Variants in H3-3A observed in about 807,000 individuals in gnomAD.
The protein encoded by H3-3A is H3.3 histone A, also known as histone H3.3.
For synonymous variants in H3-3A, 49 were observed against 61.4 expected, an observed-to-expected ratio of 0.80 and a Z score of 0.95; for missense variants, 7 against 184.0, an observed-to-expected ratio of 0.04 and a Z score of 5.57.
rs1156690399 is a variant in H3-3A, at chr1:226,065,889, A to G, written c.282+80A>G. ...CAGTTCCAAATTGTTGCATGTGCTTATATCATTTAATCACAAGCCTGTCAG... is the reference window on the plus strand; with the variant it reads ...CAGTTCCAAATTGTTGCATGTGCTTGTATCATTTAATCACAAGCCTGTCAG... On this transcript the variant is annotated intron_variant, in intron 3 of 3. Coordinates refer to ENST00000366815, the MANE Select transcript of H3-3A (RefSeq NM_002107.7). 5.8e-6 allele frequency: 6 copies of G among 1,035,450 alleles called. No individual in the cohort carries two copies. The Admixed American group carries it at 6.0e-5, about 10-fold the overall frequency. The allele number at this position is 1,035,450 out of a possible 1,614,324, so 64.1% of individuals were successfully genotyped here.
Position 226,064,369 on chromosome 1 carries a change from G to A in H3-3A, c.18G>A (p.Gln6=). Residue 6 remains glutamine (Q), a synonymous_variant, in exon 2 of 4, where the codon CAG becomes CAA. Coordinates refer to ENST00000366815, the MANE Select transcript of H3-3A (RefSeq NM_002107.7). MARTK[Q]TARKSTGGKA... ...TCTGTACCATGGCTCGTACAAAGCA[G>A]ACTGCCCGCAAATCGACCGGTGGTA... 6.2e-7 allele frequency: 1 copy of A among 1,613,286 alleles called. No individual in the cohort carries two copies. Among genetic ancestry groups the A allele is most frequent in the South Asian group, 1.1e-5 (1 of 91,010 alleles).
intron 3 of H3-3A, among the ~76,000 whole-genome samples, chr1:226,070,697 C>T (rs565872410): frequency 3.9e-4 from 58 of 150,554 alleles, no homozygotes; most frequent in African/African-American, 1.3e-3. Flanking sequence ...CGCTTGAATC[C>T]GGGAGGTGGA....
At chr1:226,067,550 C>T (rs953858130) in intron 3 of H3-3A, among the ~76,000 whole-genome samples, 11 of 151,962 alleles carry the variant, frequency 7.2e-5, no homozygotes, top group Non-Finnish European at 2.9e-5. Context: ...ACCAGCGTGG[C>T]CAACATGGTG....
rs149850704 is a variant in H3-3A, at chr1:226,064,026, A to C, written c.-23-303A>C. 2.6e-5 allele frequency: 5 copies of C among 190,402 alleles called. No homozygotes were observed. The East Asian group carries it at 7.3e-4, about 28-fold the overall frequency. The allele number at this position is 190,402 out of a possible 1,614,324, so 11.8% of individuals were successfully genotyped here. ...GGAATGTTTACAGACATTTCTAATTACTGCTTTAATTAAATAAATTGGATC... is the reference window on the plus strand; with the variant it reads ...GGAATGTTTACAGACATTTCTAATTCCTGCTTTAATTAAATAAATTGGATC... On this transcript the variant is annotated intron_variant, in intron 1 of 3. Transcript: ENST00000366815.
At chr1:226,065,604 T>TAA (rs1657899459) in intron 2 of H3-3A, 52 bp from the exon 3 acceptor site, 1 of 1,379,450 alleles carries the variant, frequency 7.2e-7, no homozygotes, top group Non-Finnish European at 9.9e-7. Context: ...CCCACTTACC[T>TAA]TTTTGTGCTA....
chr1:226,069,407 T>G (rs2102740387), intron 3 of H3-3A, among the ~76,000 whole-genome samples: 1 of 152,202 alleles, frequency 6.6e-6, no homozygotes, highest in East Asian at 1.9e-4. Context: ...TCCCTTAATA[T>G]ATCTTCAGCA....
chr1:226,064,571 CT>C, intron 2 of H3-3A, 92 bp downstream of exon 2: 1 of 1,082,116 alleles, frequency 9.2e-7, no homozygotes, highest in Non-Finnish European at 1.3e-6. Context: ...AAACTTTTTG[CT>C]TTAGAGAAAC....
At chr1:226,066,291 G>C (rs576355384) in intron 3 of H3-3A, 3 of 159,906 alleles carry the variant, frequency 1.9e-5, no homozygotes, top group African/African-American at 7.2e-5. Context: ...GCATTAAGAC[G>C]TAAAAGGAGC....
rs1657849609 is a variant in H3-3A at position 226,064,342 on chromosome 1, T to G, written c.-10T>G. ...CAATGCTGGTAGGTAAGTAAGGAGG[T>G]CTCTGTACCATGGCTCGTACAAAGC... On this transcript the variant is annotated 5_prime_UTR_variant, in exon 2 of 4. Coordinates refer to ENST00000366815, the MANE Select transcript of H3-3A (RefSeq NM_002107.7). 3 of 1,610,778 alleles carry G rather than the reference T, an allele frequency of 1.9e-6. No individual in the cohort carries two copies. The highest frequency in any genetic ancestry group is 2.5e-6 in the Non-Finnish European group (3 of 1,178,286).
At chr1:226,068,519 T>C (rs550959334) in intron 3 of H3-3A, among the ~76,000 whole-genome samples, 9 of 152,342 alleles carry the variant, frequency 5.9e-5, no homozygotes, top group African/African-American at 2.2e-4. Flanking sequence ...ATAGCTGATA[T>C]GCGTTGTGAG....
chr1:226,070,118 G>C (rs938717779), intron 3 of H3-3A, among the ~76,000 whole-genome samples: 2 of 152,104 alleles, frequency 1.3e-5, no homozygotes, highest in African/African-American at 4.8e-5. Context: ...TACAAATTGG[G>C]GTACGTAGAG....
At chr1:226,062,282 G>A (rs1358520035), upstream of H3-3A, among the ~76,000 whole-genome samples, 1 of 149,924 alleles carries the variant, frequency 6.7e-6, no homozygotes, top group Non-Finnish European at 1.5e-5. Context: ...CGCGGCCCGA[G>A]ACGCCCGCAG....
chr1:226,068,137 ATT>A (rs1284309554), intron 3 of H3-3A, among the ~76,000 whole-genome samples: 1 of 152,220 alleles, frequency 6.6e-6, no homozygotes, highest in Non-Finnish European at 1.5e-5. Context: ...TAGGTCATAA[ATT>A]AGTGTGGCAG....
intron 1 of H3-3A, 61 bp downstream of exon 1, chr1:226,062,872 C>G (rs1274012486): frequency 6.4e-6 from 1 of 156,052 alleles, no homozygotes; most frequent in African/African-American, 2.4e-5. Context: ...CAGCCCCGAG[C>G]CGGGCCCTGG....
At chr1:226,063,070 C>G (rs569115867) in intron 1 of H3-3A, among the ~76,000 whole-genome samples, 1 of 152,082 alleles carries the variant, frequency 6.6e-6, no homozygotes, top group Non-Finnish European at 1.5e-5. Flanking sequence ...CCCCGCGCCC[C>G]TGGCTCCTCT....
At chr1:226,063,360 A>C (rs1223165150) in intron 1 of H3-3A, among the ~76,000 whole-genome samples, 2 of 152,184 alleles carry the variant, frequency 1.3e-5, no homozygotes, top group South Asian at 2.1e-4. Flanking sequence ...AGAATTTTTA[A>C]AAGAGGGACG....
chr1:226,067,909 T>C (rs746825702), intron 3 of H3-3A, among the ~76,000 whole-genome samples: 102 of 152,214 alleles, frequency 6.7e-4, no homozygotes, highest in Non-Finnish European at 1.1e-3. Flanking sequence ...GAGGAGAAAT[T>C]AGTCTCAGTT....
intron 2 of H3-3A, among the ~76,000 whole-genome samples, chr1:226,065,192 C>G (rs1164509246): frequency 1.3e-5 from 2 of 152,140 alleles, no homozygotes; most frequent in Admixed American, 1.3e-4. Context: ...GAACTGTAGT[C>G]AGGGTAGAGG....
intron 1 of H3-3A, among the ~76,000 whole-genome samples, chr1:226,063,030 C>T (rs1046202334): frequency 6.6e-6 from 1 of 151,858 alleles, no homozygotes; most frequent in African/African-American, 2.4e-5. Flanking sequence ...CAGCAACCGC[C>T]GCGGCGCCGA....
Sources: gnomAD v4.1 joint callset for allele counts (sites outside exome capture counted in the v4.1 genomes callset) on GRCh38, gnomAD v4.1.1 for gene constraint, MANE v1.5 for transcripts, NCBI Gene and HGNC (gene_info 2026-07-23, HGNC 2026-07-21) for gene names.